TMCO1: variants seen among roughly 807,000 people sequenced by gnomAD.
The protein encoded by TMCO1 is transmembrane and coiled-coil domains 1, also known as calcium load-activated calcium channel.
A neutral mutation model predicts 29.3 loss-of-function variants in TMCO1; 29 were observed. That is an observed-to-expected ratio of 0.99 (90% CI 0.74 to 1.35). The LOEUF (loss-of-function observed/expected upper bound fraction) is 1.35, where lower values mean the gene tolerates loss of function less well. TMCO1 is among the 40% of genes most tolerant of loss of function. The pLI is 0.00. For synonymous variants in TMCO1, 80 were observed against 77.1 expected (o/e 1.04, Z -0.20); for missense variants, 173 against 225.5 (o/e 0.77, Z 1.49).
chr1:165,768,877 G>C (rs746171712), upstream of TMCO1: 1 of 1,557,196 alleles, frequency 6.4e-7, no homozygotes, highest in African/African-American at 1.4e-5. Context: ...CTGACAGCCC[G>C]AAGATCGCAC....
At position 165,768,218 on chromosome 1, in the gene TMCO1, G is replaced by A; in HGVS notation, c.122C>T (p.Ala41Val). 1 of 1,613,822 alleles carries A rather than the reference G, an allele frequency of 6.2e-7. No individual in the cohort carries two copies. Among genetic ancestry groups the A allele is most frequent in the Non-Finnish European group, 8.5e-7 (1 of 1,179,924 alleles). The change falls in exon 2 of 7, where the codon GCA (alanine) becomes GTA (valine). Residue 41 changes from alanine to valine, a missense_variant. Ala to Val is a moderately conservative substitution (Grantham distance 64). Coordinates refer to ENST00000367881, the MANE Select transcript of TMCO1 (RefSeq NM_019026.6). The part of the protein sequence containing the change: ...YRTDKYKRLK[A>V]EVEKQSKKLE... ...TTTTTTACTCTGTTTTTCCACTTCT[G>A]CCTTCAGTCTCTTGTACTTGTCTGT... is the stretch of plus-strand genomic sequence containing the variant.
At chr1:165,748,017 G>A (rs1400184607) in intron 5 of TMCO1, among the ~76,000 whole-genome samples, 2 of 152,072 alleles carry the variant, frequency 1.3e-5, no homozygotes, top group Admixed American at 6.6e-5. Context: ...AAATTAGCTT[G>A]GTGTGGGGGC....
chr1:165,729,723 T>C (rs529848482), intron 6 of TMCO1, among the ~76,000 whole-genome samples: 2 of 152,324 alleles, frequency 1.3e-5, no homozygotes, highest in South Asian at 2.1e-4. Flanking sequence ...AAAGGTATGA[T>C]GGATGGCTTA....
At chr1:165,766,760 A>AT (rs1652583280) in intron 2 of TMCO1, among the ~76,000 whole-genome samples, 2 of 106,356 alleles carry the variant, frequency 1.9e-5, no homozygotes, top group Admixed American at 1.0e-4. Flanking sequence ...CCCTGTCTCA[A>AT]AAAATAAATA....
chr1:165,741,466 A>G (rs2101797079), intron 6 of TMCO1, among the ~76,000 whole-genome samples: 1 of 152,358 alleles, frequency 6.6e-6, no homozygotes, highest in Non-Finnish European at 1.5e-5. Context: ...TTTAAAAGGA[A>G]GAAGAGGGAG....
intron 5 of TMCO1, among the ~76,000 whole-genome samples, chr1:165,746,453 TCA>T (rs59467463): frequency 0.11 from 15,207 of 132,242 alleles, 1,055 homozygotes; most frequent in South Asian, 0.22. Context: ...AAGACCTATA[TCA>T]CACACACACA....
At chr1:165,765,437 C>A (rs1003288271) in intron 2 of TMCO1, among the ~76,000 whole-genome samples, 1 of 152,208 alleles carries the variant, frequency 6.6e-6, no homozygotes, top group Non-Finnish European at 1.5e-5. Flanking sequence ...GCATGTGCCA[C>A]CACGCCCAGC....
chr1:165,728,770 C>T lies in TMCO1; in HGVS notation c.469-649G>A, dbSNP rs546531066. Among the ~76,000 whole-genome samples the T allele has an allele frequency of 3.3e-5, 5 of 152,052 alleles. No homozygotes were observed. In the East Asian group the frequency reaches 5.8e-4, roughly 18 times the overall value. ...GGCATTTTCTTTGAGTACGGGTCTG[C>T]TGGCTGGATTTGTCATTACTGCACT... is the stretch of plus-strand genomic sequence containing the variant. On this transcript the variant is annotated intron_variant, in intron 6 of 6. Coordinates refer to ENST00000367881, the MANE Select transcript of TMCO1 (RefSeq NM_019026.6).
Position 165,726,809 on chromosome 1 carries a change from A to T in TMCO1, c.*1214T>A, listed in dbSNP as rs773184926. The T allele has an allele frequency of 8.8e-6, 4 of 453,138 alleles. No individual in the cohort carries two copies. The highest frequency in any genetic ancestry group is 6.2e-5 in the South Asian group (4 of 64,158). The allele number at this position is 453,138 out of a possible 1,614,324, so 28.1% of individuals were successfully genotyped here. A position where few individuals can be genotyped will look rare whatever the true frequency, so the allele number is the denominator to read the frequency against. ...AACTCTCTTAGTTTTGTATGTCTAAACATGTCTTTATTTTGCCTCCAATAT... is the reference window on the plus strand; with the variant it reads ...AACTCTCTTAGTTTTGTATGTCTAATCATGTCTTTATTTTGCCTCCAATAT... On this transcript the variant is annotated 3_prime_UTR_variant, in exon 7 of 7. Transcript: ENST00000367881.
intron 6 of TMCO1, 28 bp from the exon 7 acceptor site, chr1:165,728,149 G>C: frequency 6.4e-7 from 1 of 1,561,840 alleles, no homozygotes; most frequent in Non-Finnish European, 8.8e-7. Context: ...TAAGGATTGG[G>C]TTTTAATATC....
intron 6 of TMCO1, among the ~76,000 whole-genome samples, chr1:165,740,066 C>G (rs566269462): frequency 1.1e-4 from 17 of 151,984 alleles, no homozygotes; most frequent in African/African-American, 4.1e-4. Context: ...GAGCCGAGAT[C>G]GAGCTATTGC....
At chr1:165,754,084 T>C in intron 4 of TMCO1, 144 bp downstream of exon 4, 2 of 683,904 alleles carry the variant, frequency 2.9e-6, no homozygotes, top group African/African-American at 1.8e-5. Flanking sequence ...CACTTCCATT[T>C]GGTCCAGGAA....
chr1:165,728,800 A>G (rs1651005749), intron 6 of TMCO1, among the ~76,000 whole-genome samples: 1 of 151,998 alleles, frequency 6.6e-6, no homozygotes, highest in South Asian at 2.1e-4. Context: ...TGCACTGTCT[A>G]TAATTTTCAG....
intron 5 of TMCO1, among the ~76,000 whole-genome samples, chr1:165,751,239 C>G (rs370762009): frequency 6.6e-6 from 1 of 152,094 alleles, no homozygotes; most frequent in African/African-American, 2.4e-5. Context: ...AGCAAAAGAT[C>G]TTTTTATGAC....
At chr1:165,759,822 T>C (rs1170622870) in intron 2 of TMCO1, among the ~76,000 whole-genome samples, 3 of 152,168 alleles carry the variant, frequency 2.0e-5, no homozygotes, top group Non-Finnish European at 2.9e-5. Flanking sequence ...CCATAAAGAA[T>C]TGTATTGATA....
At chr1:165,725,194 C>A (rs541618212), downstream of TMCO1, 16 of 452,254 alleles carry the variant, frequency 3.5e-5, no homozygotes, top group East Asian at 1.0e-3. Context: ...ACTTAAAGGG[C>A]AGTATTGAAA....
At chr1:165,755,693 A>G (rs923950341) in intron 3 of TMCO1, among the ~76,000 whole-genome samples, 4 of 152,154 alleles carry the variant, frequency 2.6e-5, no homozygotes, top group Non-Finnish European at 5.9e-5. Context: ...CAAAAAAAGA[A>G]AAGAGATACT....
At chr1:165,725,160 A>G, downstream of TMCO1, 1 of 437,052 alleles carries the variant, frequency 2.3e-6, no homozygotes, top group South Asian at 1.7e-5. Context: ...TAATCTAAAA[A>G]AAGAGAAAGT....
At chr1:165,743,366 T>G in intron 5 of TMCO1, 55 bp from the exon 6 acceptor site, 1 of 1,572,652 alleles carries the variant, frequency 6.4e-7, no homozygotes, top group South Asian at 1.2e-5. Context: ...GACAACTTTC[T>G]TACTTCCAAA....
Sources: allele counts gnomAD v4.1 joint callset (sites outside exome capture counted in the v4.1 genomes callset), GRCh38; gene constraint gnomAD v4.1.1; transcripts MANE v1.5; gene names NCBI Gene and HGNC (gene_info 2026-07-23, HGNC 2026-07-21).